The following RELN variants were observed in gnomAD, a reference collection of about 807,000 sequenced individuals.
The protein encoded by RELN is reelin.
In RELN, 108 loss-of-function variants were observed where a neutral mutation model predicts 427.6. That is an observed-to-expected ratio of 0.25 (90% CI 0.22 to 0.30). The LOEUF (loss-of-function observed/expected upper bound fraction) is 0.30, where lower values mean the gene tolerates loss of function less well. Ranked by LOEUF, RELN falls within the 10% of genes least tolerant of loss-of-function variation. The pLI is 1.00. For synonymous variants in RELN, 1,524 were observed against 1,513.4 expected (o/e 1.01, Z -0.16); for missense variants, 3,715 against 4,302.8 (o/e 0.86, Z 3.82).
chr7:103,703,950 C>T (rs912391547), intron 8 of RELN, among the ~76,000 whole-genome samples: 1 of 152,190 alleles, frequency 6.6e-6, no homozygotes, highest in African/African-American at 2.4e-5. Flanking sequence ...CTAAGGGTTT[C>T]TAAGGTTTGG....
In RELN at chr7:103,611,723, A is replaced by T. The variant is rs1174086246; in HGVS notation, c.2783T>A (p.Ile928Asn). ...ACATCCCATCACCAAACTGAACTGA[A>T]TCATATAGGATGCTCCTATCTGCAT... ...QSMQIGASYM[I>N]QFSLVMGCGQ... Residue 928 changes from isoleucine (I) to asparagine (N), a missense_variant, in exon 21 of 65, where the codon ATT (isoleucine) becomes AAT (asparagine). This residue lies in a region of RELN where 2,208 missense variants were observed against 2,361.7 expected (regional missense o/e 0.93). Transcript: ENST00000428762. 6.2e-7 allele frequency: 1 copy of T among 1,613,884 alleles called. No homozygotes were observed. Among genetic ancestry groups the T allele is most frequent in the East Asian group, 2.2e-5 (1 of 44,808 alleles).
chr7:103,732,864 T>C (rs1356529840), intron 6 of RELN, among the ~76,000 whole-genome samples: 1 of 152,066 alleles, frequency 6.6e-6, no homozygotes, highest in Non-Finnish European at 1.5e-5. Context: ...CATTTGTAGG[T>C]TGCCTGTTCA....
rs1796376129 is a variant in RELN at position 103,953,659 on chromosome 7, G to A, written c.226+35472C>T. On this transcript the variant is annotated intron_variant, in intron 1 of 64. Transcript: ENST00000428762. The surrounding 1 kb of genome is among the most constrained non-coding windows in gnomAD (Gnocchi z 4.3). ...CAAAACTTACCAGCCTCCACTGGGTGCGGTGGCTCACATCTGTAATCCCAG... is the reference window on the plus strand; with the variant it reads ...CAAAACTTACCAGCCTCCACTGGGTACGGTGGCTCACATCTGTAATCCCAG... 1.3e-5 allele frequency among the ~76,000 whole-genome samples: 2 copies of A among 152,138 alleles called. No homozygotes were observed. Among genetic ancestry groups the A allele is most frequent in the South Asian group, 4.1e-4 (2 of 4,828 alleles).
At chr7:103,784,633 G>A (rs1791973115) in intron 3 of RELN, among the ~76,000 whole-genome samples, 1 of 152,150 alleles carries the variant, frequency 6.6e-6, no homozygotes. Context: ...AAAAGATGAT[G>A]TTCTCTCTGC....
chr7:103,637,910 G>C (rs1832617323), intron 17 of RELN, among the ~76,000 whole-genome samples: 1 of 152,108 alleles, frequency 6.6e-6, no homozygotes, highest in African/African-American at 2.4e-5. Flanking sequence ...TCTTAAATGT[G>C]TCTTCTCAGG....
Position 103,503,118 on chromosome 7 carries a change from G to C in RELN, c.8387C>G (p.Ala2796Gly). Residue 2796 changes from alanine to glycine, a missense_variant, in exon 52 of 65, where the codon GCT (alanine) becomes GGT (glycine). Ala to Gly is a moderately conservative substitution (Grantham distance 60, BLOSUM62 0). Around this residue, in one of 4 missense-constraint regions of RELN, gnomAD observed 1,310 missense variants for 1,643.0 expected, o/e 0.80. Coordinates refer to ENST00000428762, the MANE Select transcript of RELN (RefSeq NM_005045.4). Reference protein sequence around the residue: ...WNYLVPQCLPADPKCSGSVSQ... With the variant: ...WNYLVPQCLPGDPKCSGSVSQ... ...AACACTTCCAGAGCATTTTGGGTCA[G>C]CAGGCAAGCACTGAGGGACCAGATA... 1.2e-6 allele frequency: 2 copies of C among 1,614,184 alleles called. No homozygotes were observed. The highest frequency in any genetic ancestry group is 1.7e-6 in the Non-Finnish European group (2 of 1,180,030).
intron 3 of RELN, among the ~76,000 whole-genome samples, chr7:103,813,234 A>G (rs971360778): frequency 6.6e-6 from 1 of 152,122 alleles, no homozygotes; most frequent in Non-Finnish European, 1.5e-5. Flanking sequence ...CACCTCCATT[A>G]TATGGTAACA....
chr7:103,825,713 A>G (rs1192073911), intron 3 of RELN, among the ~76,000 whole-genome samples: 1 of 152,178 alleles, frequency 6.6e-6, no homozygotes, highest in Non-Finnish European at 1.5e-5. Context: ...GTTCAATAAA[A>G]TAGTCATTAG....
intron 6 of RELN, among the ~76,000 whole-genome samples, chr7:103,747,542 A>T (rs1181119762): frequency 6.6e-6 from 1 of 152,058 alleles, no homozygotes; most frequent in East Asian, 1.9e-4. Flanking sequence ...CTTGGTGAAG[A>T]GTCAAACCAG....
intron 3 of RELN, among the ~76,000 whole-genome samples, chr7:103,818,794 ATAATG>A (rs1385048840): frequency 5.9e-5 from 9 of 152,150 alleles, no homozygotes; most frequent in African/African-American, 2.2e-4. Flanking sequence ...CACTCATAAT[ATAATG>A]TAATGTTAGA....
chr7:103,525,591 A>C (rs1829805492), intron 46 of RELN, among the ~76,000 whole-genome samples: 1 of 152,202 alleles, frequency 6.6e-6, no homozygotes, highest in South Asian at 2.1e-4. Context: ...ATTTATTTAC[A>C]GTTATGTCTG....
At chr7:103,783,736 A>G (rs373470761) in intron 3 of RELN, among the ~76,000 whole-genome samples, 1 of 152,300 alleles carries the variant, frequency 6.6e-6, no homozygotes, top group East Asian at 1.9e-4. Context: ...ATGGCAAATC[A>G]ATGAATGGTT....
chr7:103,865,927 T>C (rs1362942196), intron 2 of RELN, among the ~76,000 whole-genome samples: 1 of 152,250 alleles, frequency 6.6e-6, no homozygotes, highest in Non-Finnish European at 1.5e-5. Flanking sequence ...AACCCTGCAC[T>C]TATAGTTAAG....
chr7:103,631,286 C>CTTTTTTTTTTTTTTTTTTTTTTTTT (rs545808640), intron 19 of RELN, among the ~76,000 whole-genome samples: 1 of 77,812 alleles, frequency 1.3e-5, no homozygotes, highest in Non-Finnish European at 2.3e-5. Context: ...AAAAACACTT[C>CTTTTTTTTTTTTTTTTTTTTTTTTT]TTTTTTTTTT....
chr7:103,561,669 C>T lies in RELN; in HGVS notation c.5392G>A (p.Val1798Ile), dbSNP rs1464250141. 3.7e-6 allele frequency: 6 copies of T among 1,613,918 alleles called. No individual in the cohort carries two copies. The South Asian group carries it at 5.5e-5, about 15-fold the overall frequency. ...TCTTTAAGAATCGAGGGCAGAGGAACAACAGGAACACAATAGGGTCCACCA... is the reference window on the plus strand; with the variant it reads ...TCTTTAAGAATCGAGGGCAGAGGAATAACAGGAACACAATAGGGTCCACCA... ...GFGGPYCVPV[V>I]PLPSILKDDF... Residue 1798 changes from valine (V) to isoleucine (I), a missense_variant, in exon 36 of 65, where the codon GTT (valine) becomes ATT (isoleucine). Around this residue, in one of 4 missense-constraint regions of RELN, gnomAD observed 2,208 missense variants for 2,361.7 expected, o/e 0.93. Transcript: ENST00000428762.
chr7:103,808,417 AAAAC>A (rs1454542588), intron 3 of RELN, among the ~76,000 whole-genome samples: 3 of 152,028 alleles, frequency 2.0e-5, no homozygotes, highest in Non-Finnish European at 2.9e-5. Flanking sequence ...ATAATAATAG[AAAAC>A]AAAACAAAAC....
chr7:103,540,110 G>A, intron 44 of RELN, 87 bp downstream of exon 44: 3 of 1,477,854 alleles, frequency 2.0e-6, no homozygotes, highest in Admixed American at 3.4e-5. Flanking sequence ...TTCATCTACT[G>A]AGCAAGCAGG....
intron 2 of RELN, among the ~76,000 whole-genome samples, chr7:103,879,355 C>T (rs1794555253): frequency 6.6e-6 from 1 of 152,144 alleles, no homozygotes; most frequent in South Asian, 2.1e-4. Flanking sequence ...TTATGTTTTA[C>T]AAGTCAGGCA....
chr7:103,931,737 G>T (rs930724896), intron 1 of RELN, among the ~76,000 whole-genome samples: 9 of 152,168 alleles, frequency 5.9e-5, no homozygotes, highest in Admixed American at 5.2e-4. Context: ...CGCACAGGAT[G>T]TCATACTTCT....
Sources: allele counts gnomAD v4.1 joint callset (sites outside exome capture counted in the v4.1 genomes callset), GRCh38; gene constraint gnomAD v4.1.1; regional missense constraint gnomAD v4.1.1; non-coding constraint Gnocchi (gnomAD v3.1); transcripts MANE v1.5; gene names NCBI Gene and HGNC (gene_info 2026-07-23, HGNC 2026-07-21).